NAALADL2: variants seen among roughly 807,000 people sequenced by gnomAD.
NAALADL2 encodes the protein N-acetylated alpha-linked acidic dipeptidase like 2, also known as inactive N-acetylated-alpha-linked acidic dipeptidase-like protein 2.
Under a neutral mutation model 87.2 loss-of-function variants are expected in NAALADL2, and 76 were observed. The ratio of observed to expected loss-of-function variants is 0.87; its 90% CI spans 0.72 to 1.05. The LOEUF (loss-of-function observed/expected upper bound fraction) is 1.05, where lower values mean the gene tolerates loss of function less well. NAALADL2 is among the 50% of genes least tolerant of loss of function. The pLI is 0.00. For synonymous variants in NAALADL2, 354 were observed against 331.0 expected (o/e 1.07, Z -0.75); for missense variants, 1,089 against 945.8 (o/e 1.15, Z -1.99).
At chr3:174,660,696 T>G (rs989256436) in intron 2 of NAALADL2, among the ~76,000 whole-genome samples, 3 of 152,148 alleles carry the variant, frequency 2.0e-5, no homozygotes, top group African/African-American at 7.2e-5. Context: ...AATTTTCTTC[T>G]GGGAAGTTCT....
chr3:174,554,625 A>G (rs1036490611), intron 2 of NAALADL2, among the ~76,000 whole-genome samples: 2 of 151,828 alleles, frequency 1.3e-5, no homozygotes, highest in African/African-American at 4.9e-5. Flanking sequence ...TAGAAATAGT[A>G]CTGATAAATT....
intron 3 of NAALADL2, among the ~76,000 whole-genome samples, chr3:174,770,579 G>A (rs537946958): frequency 3.9e-5 from 6 of 152,204 alleles, no homozygotes; most frequent in African/African-American, 1.2e-4. Context: ...GGTGGCTCAC[G>A]CCTGTAATCC....
intron 3 of NAALADL2, among the ~76,000 whole-genome samples, chr3:174,848,980 G>A (rs574463042): frequency 3.3e-5 from 5 of 152,196 alleles, no homozygotes; most frequent in African/African-American, 1.2e-4. Context: ...GGAACACGAT[G>A]GTAAGTGTTT....
At chr3:175,655,627 C>A (rs143053018) in intron 11 of NAALADL2, 2 of 178,940 alleles carry the variant, frequency 1.1e-5, no homozygotes, top group African/African-American at 4.8e-5. Context: ...GTTACCCCAA[C>A]GATATGTAGC....
chr3:174,640,535 T>C (rs867062860), intron 2 of NAALADL2, among the ~76,000 whole-genome samples: 2 of 152,134 alleles, frequency 1.3e-5, no homozygotes, highest in Non-Finnish European at 2.9e-5. Flanking sequence ...TCTGCCCTCC[T>C]CTCCTCTCTT....
At chr3:175,743,910 A>C (rs1745586225) in intron 12 of NAALADL2, among the ~76,000 whole-genome samples, 1 of 152,220 alleles carries the variant, frequency 6.6e-6, no homozygotes, top group Non-Finnish European at 1.5e-5. Context: ...TTGACATTGT[A>C]AAGAATTAAG....
intron 3 of NAALADL2, among the ~76,000 whole-genome samples, chr3:174,817,697 A>G (rs1292879487): frequency 6.6e-6 from 1 of 152,162 alleles, no homozygotes; most frequent in Non-Finnish European, 1.5e-5. Flanking sequence ...TGCTTTCCAA[A>G]AGAGGATTAA....
At chr3:174,786,776 G>T (rs551461371) in intron 3 of NAALADL2, among the ~76,000 whole-genome samples, 1 of 152,012 alleles carries the variant, frequency 6.6e-6, no homozygotes, top group African/African-American at 2.4e-5. Context: ...TTAGATAAGG[G>T]TTATGCCCTG....
chr3:175,788,467 A>C (rs1350793245), intron 13 of NAALADL2, among the ~76,000 whole-genome samples: 12 of 152,036 alleles, frequency 7.9e-5, no homozygotes. Context: ...AATATTTACC[A>C]TTGTGTTATA....
At chr3:175,577,183 A>G (rs536361532) in intron 10 of NAALADL2, among the ~76,000 whole-genome samples, 12 of 152,256 alleles carry the variant, frequency 7.9e-5, no homozygotes, top group African/African-American at 2.9e-4. Flanking sequence ...TCTGACACTT[A>G]CTCGACAAAT....
At chr3:175,470,553 C>T (rs965859925) in intron 8 of NAALADL2, among the ~76,000 whole-genome samples, 2 of 151,724 alleles carry the variant, frequency 1.3e-5, no homozygotes, top group Admixed American at 6.6e-5. Flanking sequence ...TGTATGAGTC[C>T]TTGTAGTCTT....
intron 1 of NAALADL2, among the ~76,000 whole-genome samples, chr3:175,025,219 T>G (rs544435754): frequency 1.3e-5 from 2 of 152,182 alleles, no homozygotes; most frequent in South Asian, 4.2e-4. Flanking sequence ...GTTTGAATGT[T>G]TACGGTTGAG....
intron 1 of NAALADL2, among the ~76,000 whole-genome samples, chr3:174,927,208 C>T (rs984577350): frequency 1.3e-4 from 20 of 152,126 alleles, no homozygotes; most frequent in African/African-American, 4.3e-4. Flanking sequence ...ATTCATAAAG[C>T]AAGTCCTTAG....
chr3:175,427,624 G>C (rs911476379), intron 5 of NAALADL2, among the ~76,000 whole-genome samples: 1 of 152,144 alleles, frequency 6.6e-6, no homozygotes, highest in Non-Finnish European at 1.5e-5. Flanking sequence ...AACTTGAAAT[G>C]TTTTTGTTTC....
chr3:175,453,372 T>G (rs575882068), intron 6 of NAALADL2, among the ~76,000 whole-genome samples: 10 of 152,234 alleles, frequency 6.6e-5, no homozygotes, highest in Non-Finnish European at 1.3e-4. Context: ...TATCCAATAT[T>G]TCTCCTTATT....
chr3:174,718,133 A>G (rs34585390), intron 2 of NAALADL2, among the ~76,000 whole-genome samples: 44,741 of 151,994 alleles, frequency 0.29, 7,065 homozygotes, highest in Non-Finnish European at 0.36. Context: ...ACAAACAAAC[A>G]AAAAATGAAA....
At chr3:175,200,813 G>A (rs1019877793) in intron 2 of NAALADL2, among the ~76,000 whole-genome samples, 2 of 152,058 alleles carry the variant, frequency 1.3e-5, no homozygotes, top group Non-Finnish European at 1.5e-5. Context: ...CACAAAACAG[G>A]TCATGACTCT....
chr3:175,479,550 T>A (rs1313065341), intron 9 of NAALADL2, among the ~76,000 whole-genome samples: 2 of 151,762 alleles, frequency 1.3e-5, no homozygotes, highest in Non-Finnish European at 1.5e-5. Flanking sequence ...AAAAACGAAG[T>A]TTCCAATATC....
rs138773560 is a variant in NAALADL2, at chr3:175,142,119, T to C, written c.545+44828T>C. On this transcript the variant is annotated intron_variant, in intron 2 of 13. Coordinates refer to ENST00000454872, the MANE Select transcript of NAALADL2 (RefSeq NM_207015.3). ...CACATTTTAAGCTCTCAGTACATGT[T>C]TGAAAAATAATATTTTGTAGCTGTG... Among the ~76,000 whole-genome samples, 38 of 152,176 alleles carry C rather than the reference T, an allele frequency of 2.5e-4. No individual in the cohort carries two copies. The East Asian group carries it at 7.1e-3, about 29-fold the overall frequency.
Sources: allele counts gnomAD v4.1 joint callset (sites outside exome capture counted in the v4.1 genomes callset), GRCh38; gene constraint gnomAD v4.1.1; transcripts MANE v1.5; gene names NCBI Gene and HGNC (gene_info 2026-07-23, HGNC 2026-07-21).